Variants in SLIT2 observed in about 807,000 individuals in gnomAD.
SLIT2 encodes the protein slit guidance ligand 2.
SLIT2 carries 41 observed loss-of-function variants against 185.7 expected under a neutral mutation model. The observed-to-expected ratio is 0.22, with a 90% confidence interval of 0.17 to 0.29. The LOEUF (loss-of-function observed/expected upper bound fraction) is 0.29, where lower values mean the gene tolerates loss of function less well. SLIT2 is among the 10% of genes least tolerant of loss of function. The pLI is 1.00. For synonymous variants in SLIT2, 693 were observed against 680.2 expected (o/e 1.02, Z -0.29); for missense variants, 1,571 against 1,909.0 (o/e 0.82, Z 3.30).
rs1560455526 is a variant in SLIT2 at position 20,472,600 on chromosome 4, A to ATATC, written c.467+4779_467+4780insTCTA. Among the ~76,000 whole-genome samples, 226 of 38,420 alleles carry ATATC rather than the reference A, an allele frequency of 5.9e-3. 73 individuals carry two copies. The highest frequency in any genetic ancestry group is 7.8e-3 in the Non-Finnish European group (173 of 22,320). The allele number at this position is 38,420 out of a possible 152,430, so 25.2% of individuals were successfully genotyped here. A position where few individuals can be genotyped will look rare whatever the true frequency, so the allele number is the denominator to read the frequency against. On this transcript the variant is annotated intron_variant, in intron 5 of 36. Transcript: ENST00000504154. ...TATATCTATATATAGATATATATCT[A>ATATC]TAGATATATCTATATATATCGATAT...
intron 4 of SLIT2, among the ~76,000 whole-genome samples, chr4:20,458,753 G>T (rs1010065995): frequency 1.3e-5 from 2 of 152,140 alleles, no homozygotes; most frequent in Admixed American, 6.6e-5. Context: ...TCCCAGCTCC[G>T]CTGCTTACTA....
At chr4:20,267,566 A>T (rs559324772) in intron 3 of SLIT2, among the ~76,000 whole-genome samples, 3 of 151,882 alleles carry the variant, frequency 2.0e-5, no homozygotes, top group Non-Finnish European at 4.4e-5. Context: ...TCCAAAAAAA[A>T]TTCATAGCCT....
At chr4:20,546,662 G>GATT (rs1723276710) in intron 22 of SLIT2, among the ~76,000 whole-genome samples, 1 of 151,934 alleles carries the variant, frequency 6.6e-6, no homozygotes, top group East Asian at 1.9e-4. Flanking sequence ...TCAAAATTTT[G>GATT]ATTTTTTAGC....
At chr4:20,454,287 C>A (rs1051601680) in intron 4 of SLIT2, among the ~76,000 whole-genome samples, 1 of 152,096 alleles carries the variant, frequency 6.6e-6, no homozygotes, top group East Asian at 1.9e-4. Flanking sequence ...ATGTGAAACT[C>A]ATTTTTTTCT....
intron 26 of SLIT2, among the ~76,000 whole-genome samples, chr4:20,561,551 C>T (rs1194153111): frequency 6.6e-6 from 1 of 151,584 alleles, no homozygotes; most frequent in Admixed American, 6.6e-5. Context: ...ATGAAAAATT[C>T]AGTTTTGAAG....
intron 4 of SLIT2, among the ~76,000 whole-genome samples, chr4:20,385,225 C>T (rs1172232593): frequency 2.0e-5 from 3 of 152,140 alleles, no homozygotes; most frequent in Non-Finnish European, 2.9e-5. Flanking sequence ...AATCAAATGG[C>T]GAATGAACAA....
intron 26 of SLIT2, among the ~76,000 whole-genome samples, chr4:20,560,019 C>T (rs1724571655): frequency 6.6e-6 from 1 of 151,880 alleles, no homozygotes; most frequent in Non-Finnish European, 1.5e-5. Flanking sequence ...CCACTGAGTA[C>T]TATACTATTA....
intron 4 of SLIT2, among the ~76,000 whole-genome samples, chr4:20,415,741 A>G (rs561273428): frequency 6.6e-6 from 1 of 152,320 alleles, no homozygotes; most frequent in South Asian, 2.1e-4. Flanking sequence ...TCCAGAGAGC[A>G]TGAAAGCTTG....
intron 29 of SLIT2, among the ~76,000 whole-genome samples, chr4:20,580,708 A>G (rs181978582): frequency 6.6e-6 from 1 of 152,308 alleles, no homozygotes; most frequent in Non-Finnish European, 1.5e-5. Context: ...AGCACAACTC[A>G]CAGTGCTTTG....
rs180913140 is a variant in SLIT2, at chr4:20,561,122, G to A, written c.2726-6140G>A. On this transcript the variant is annotated intron_variant, in intron 26 of 36. Transcript: ENST00000504154. ...TCAAATGGAGTATAACACAAAGAGG[G>A]GAGGAGGCCCAAAAGGGGAGGGGTC... 2.3e-3 allele frequency among the ~76,000 whole-genome samples: 353 copies of A among 151,892 alleles called. 4 individuals are homozygous for A. The highest frequency in any genetic ancestry group is 8.3e-3 in the African/African-American group (342 of 41,408).
Position 20,598,333 on chromosome 4 carries a change from C to A in SLIT2, c.3630C>A (p.Leu1210=). 1 of 1,614,090 alleles carries A rather than the reference C, an allele frequency of 6.2e-7. No individual in the cohort carries two copies. Among genetic ancestry groups the A allele is most frequent in the Admixed American group, 1.7e-5 (1 of 60,016 alleles). ...KGDKDHIAVE[L]YRGRVRASYD... is the part of the protein sequence containing the mutation. ...ACAAAGACCATATCGCGGTAGAACT[C>A]TATCGGGGGCGTGTTCGTGCCAGCT... The change falls in exon 33 of 37, where the codon CTC becomes CTA. Residue 1210 remains leucine, a synonymous_variant. Transcript: ENST00000504154.
intron 4 of SLIT2, among the ~76,000 whole-genome samples, chr4:20,294,883 A>T (rs1468191800): frequency 6.6e-6 from 1 of 152,198 alleles, no homozygotes; most frequent in Non-Finnish European, 1.5e-5. Flanking sequence ...GGAGGGTATT[A>T]AAAGGTCTGA....
chr4:20,502,195 G>T (rs1718803469), intron 9 of SLIT2, among the ~76,000 whole-genome samples: 1 of 152,006 alleles, frequency 6.6e-6, no homozygotes, highest in Non-Finnish European at 1.5e-5. Flanking sequence ...AAGTAAAACT[G>T]AATATAATAA....
Position 20,510,132 on chromosome 4 carries a change from A to G in SLIT2, c.915-363A>G, listed in dbSNP as rs570445752. On this transcript the variant is annotated intron_variant, in intron 9 of 36. Coordinates refer to ENST00000504154, the MANE Select transcript of SLIT2 (RefSeq NM_004787.4). ...GTTATGATTGTATCTAAAATATGTA[A>G]TAGATCTATTCAGTATTTCTACCTA... Among the ~76,000 whole-genome samples, 5 of 152,150 alleles carry G rather than the reference A, an allele frequency of 3.3e-5. No individual in the cohort carries two copies. In the South Asian group the frequency reaches 1.0e-3, roughly 32 times the overall value.
intron 33 of SLIT2, 133 bp downstream of exon 33, chr4:20,598,528 G>A (rs1728158161): frequency 2.1e-6 from 2 of 948,010 alleles, no homozygotes; most frequent in Non-Finnish European, 3.2e-6. Context: ...GGGTATTAGT[G>A]AAAAACCTGG....
chr4:20,457,073 C>A (rs1713156205), intron 4 of SLIT2, among the ~76,000 whole-genome samples: 1 of 152,054 alleles, frequency 6.6e-6, no homozygotes, highest in Non-Finnish European at 1.5e-5. Flanking sequence ...CACCAAGTAC[C>A]TGGTAAATAG....
chr4:20,321,821 A>T (rs1719114741), intron 4 of SLIT2, among the ~76,000 whole-genome samples: 1 of 152,126 alleles, frequency 6.6e-6, no homozygotes, highest in Non-Finnish European at 1.5e-5. Context: ...TTCAAATCTG[A>T]TTCCTAAACT....
chr4:20,354,053 G>A (rs1380704785), intron 4 of SLIT2, among the ~76,000 whole-genome samples: 1 of 152,236 alleles, frequency 6.6e-6, no homozygotes, highest in East Asian at 1.9e-4. Flanking sequence ...AAAGAGTGCT[G>A]TGTTAGCAGT....
intron 11 of SLIT2, among the ~76,000 whole-genome samples, chr4:20,518,138 T>TAC (rs1720393652): frequency 1.4e-5 from 2 of 141,012 alleles, no homozygotes; most frequent in South Asian, 4.2e-4. Flanking sequence ...CATATACATA[T>TAC]ATTTATATAT....
Sources: gnomAD v4.1 joint callset for allele counts (sites outside exome capture counted in the v4.1 genomes callset) on GRCh38, gnomAD v4.1.1 for gene constraint, MANE v1.5 for transcripts, NCBI Gene and HGNC (gene_info 2026-07-23, HGNC 2026-07-21) for gene names.